The following TRIM2 variants were observed in gnomAD, a reference collection of about 807,000 sequenced individuals.
TRIM2 encodes tripartite motif containing 2.
A neutral mutation model predicts 75.2 loss-of-function variants in TRIM2; 20 were observed. The ratio of observed to expected loss-of-function variants is 0.27; its 90% CI spans 0.19 to 0.39. TRIM2 has a LOEUF of 0.39. Among genes scored for constraint, TRIM2 ranks in the 10% least tolerant of loss-of-function variants. The pLI is 1.00. For synonymous variants in TRIM2, 373 were observed against 388.3 expected, an observed-to-expected ratio of 0.96 and a Z score of 0.46; for missense variants, 660 against 990.8, an observed-to-expected ratio of 0.67 and a Z score of 4.48.
chr4:153,210,574 G>A (rs1282786241), intron 1 of TRIM2, among the ~76,000 whole-genome samples: 1 of 152,128 alleles, frequency 6.6e-6, no homozygotes, highest in Non-Finnish European at 1.5e-5. Flanking sequence ...TATTCCACTG[G>A]GGACCAAAAG....
intron 1 of TRIM2, among the ~76,000 whole-genome samples, chr4:153,237,953 G>C (rs1191129780): frequency 1.3e-5 from 2 of 152,166 alleles, no homozygotes; most frequent in African/African-American, 2.4e-5. Context: ...CTGTGGGAGT[G>C]TGTGGTAAGT....
chr4:153,327,296 G>C (rs1198245066), intron 10 of TRIM2, among the ~76,000 whole-genome samples: 1 of 152,142 alleles, frequency 6.6e-6, no homozygotes, highest in Non-Finnish European at 1.5e-5. Context: ...TGTGAGTTTA[G>C]CCTGTAGAGA....
intron 1 of TRIM2, among the ~76,000 whole-genome samples, chr4:153,231,179 G>A (rs1221459216): frequency 6.6e-6 from 1 of 152,102 alleles, no homozygotes; most frequent in Non-Finnish European, 1.5e-5. Flanking sequence ...AACAAATCTA[G>A]GAAAGTGTCT....
chr4:153,198,563 C>T (rs545594792), intron 1 of TRIM2, among the ~76,000 whole-genome samples: 14 of 152,328 alleles, frequency 9.2e-5, no homozygotes, highest in South Asian at 2.1e-4. Flanking sequence ...AGCGTAAAAA[C>T]GGACTAGTAC....
intron 11 of TRIM2, among the ~76,000 whole-genome samples, chr4:153,330,763 AGT>A (rs1351239496): frequency 2.6e-5 from 4 of 152,234 alleles, no homozygotes; most frequent in African/African-American, 9.6e-5. Flanking sequence ...CATACTTCAT[AGT>A]AAAAGACTGA....
chr4:153,323,034 T>A (rs761702831), intron 9 of TRIM2, among the ~76,000 whole-genome samples: 28 of 152,166 alleles, frequency 1.8e-4, no homozygotes, highest in Non-Finnish European at 3.7e-4. Context: ...CTTGTGTGGT[T>A]TTTATCGGTG....
intron 1 of TRIM2, among the ~76,000 whole-genome samples, chr4:153,191,163 T>C (rs1158554570): frequency 2.6e-5 from 4 of 152,244 alleles, no homozygotes; most frequent in Non-Finnish European, 2.9e-5. Context: ...GGTGACCTCC[T>C]ATCTTATGGA....
rs763168993 is a variant in TRIM2 at position 153,270,337 on chromosome 4, G to A, written c.33G>A (p.Gln11=). 3 of 1,607,550 alleles carry A rather than the reference G, an allele frequency of 1.9e-6. No homozygotes were observed. The highest frequency in any genetic ancestry group is 1.7e-5 in the Admixed American group (1 of 58,622). MHRSGRYGTQ[Q]QRAGSKTAGP... ...TGTTTTGATTTTCTGTCTGACAGCA[G>A]CAGCGTGCAGGGTCAAAGACAGCCG... Residue 11 remains glutamine, a splice_region_variant and synonymous_variant, in exon 2 of 12, where the codon CAG becomes CAA. Coordinates refer to ENST00000338700, the MANE Select transcript of TRIM2 (RefSeq NM_015271.5).
intron 1 of TRIM2, among the ~76,000 whole-genome samples, chr4:153,197,735 T>C (rs1010858881): frequency 1.7e-4 from 26 of 152,004 alleles, no homozygotes; most frequent in Admixed American, 6.6e-5. Context: ...TAGCCAGGTG[T>C]GGTGACGGGC....
chr4:153,221,035 C>G (rs1739814879), intron 1 of TRIM2, among the ~76,000 whole-genome samples: 1 of 152,162 alleles, frequency 6.6e-6, no homozygotes. Context: ...CAAAAACTTG[C>G]ATTCAAATGT....
intron 6 of TRIM2, chr4:153,307,790 A>G: frequency 1.4e-6 from 1 of 713,994 alleles, no homozygotes; most frequent in Non-Finnish European, 2.6e-6. Flanking sequence ...CAGGTACAGC[A>G]CCCTTAGTGT....
intron 1 of TRIM2, among the ~76,000 whole-genome samples, chr4:153,245,165 G>T (rs1748787784): frequency 6.6e-6 from 1 of 152,234 alleles, no homozygotes; most frequent in African/African-American, 2.4e-5. Context: ...GGGTGATCAT[G>T]CGTCTAAGGA....
intron 1 of TRIM2, among the ~76,000 whole-genome samples, chr4:153,204,922 T>A (rs1734981893): frequency 6.6e-6 from 1 of 152,188 alleles, no homozygotes; most frequent in South Asian, 2.1e-4. Flanking sequence ...TCTCCGGGGT[T>A]TCTGTAAGCC....
intron 4 of TRIM2, 70 bp from the exon 5 acceptor site, chr4:153,294,235 A>G (rs1278591202): frequency 4.0e-6 from 6 of 1,491,150 alleles, no homozygotes; most frequent in Non-Finnish European, 4.5e-6. Context: ...AACAAAATGT[A>G]GTGTTTAGAT....
upstream of TRIM2, among the ~76,000 whole-genome samples, chr4:153,200,111 TTGAA>T (rs1734179793): frequency 6.6e-6 from 1 of 151,968 alleles, no homozygotes; most frequent in African/African-American, 2.4e-5. Context: ...CACCTACTTT[TTGAA>T]TTTTTAGTAA....
intron 3 of TRIM2, 174 bp downstream of exon 3, chr4:153,276,304 T>C: frequency 1.6e-6 from 1 of 613,452 alleles, no homozygotes; most frequent in Admixed American, 2.9e-5. Context: ...TGACCAGAAC[T>C]ATTTAAATAA....
chr4:153,287,002 A>G (rs1323391581), intron 3 of TRIM2, among the ~76,000 whole-genome samples: 1 of 147,640 alleles, frequency 6.8e-6, no homozygotes, highest in African/African-American at 2.5e-5. Flanking sequence ...TTTTTAAGAG[A>G]TGGTCTTGCT....
At chr4:153,200,788 G>GT (rs1399921236), upstream of TRIM2, among the ~76,000 whole-genome samples, 15 of 135,910 alleles carry the variant, frequency 1.1e-4, no homozygotes, top group African/African-American at 3.3e-4. Flanking sequence ...CCTCATTGTG[G>GT]TTTTTTTTCT....
rs142457664 is a variant in TRIM2 at position 153,239,832 on chromosome 4, C to CTTTTTT, written c.31-30502_31-30501insTTTTTT. On this transcript the variant is annotated intron_variant, in intron 1 of 11. Transcript: ENST00000338700. Reference sequence around the variant, plus strand: ...GCATGACAGCATCCTAACTTTCTTTCTCTTTTTTTTTTTTTTTTTTGTAAG... The same window carrying CTTTTTT: ...GCATGACAGCATCCTAACTTTCTTTCTTTTTTTCTTTTTTTTTTTTTTTTTTGTAAG... 1.7e-3 allele frequency among the ~76,000 whole-genome samples: 243 copies of CTTTTTT among 139,374 alleles called. 4 individuals are homozygous for CTTTTTT. The highest frequency in any genetic ancestry group is 3.6e-3 in the African/African-American group (135 of 36,992). 91.4% of individuals were successfully genotyped at this position (139,374 alleles called of 152,430 possible).
Sources: gnomAD v4.1 joint callset for allele counts (sites outside exome capture counted in the v4.1 genomes callset) on GRCh38, gnomAD v4.1.1 for gene constraint, MANE v1.5 for transcripts, NCBI Gene and HGNC (gene_info 2026-07-23, HGNC 2026-07-21) for gene names.